CRB1: variants seen among roughly 807,000 people sequenced by gnomAD.
CRB1 encodes crumbs cell polarity complex component 1.
In CRB1, 83 loss-of-function variants were observed where a neutral mutation model predicts 120.0. The observed-to-expected ratio is 0.69, with a 90% CI of 0.58 to 0.83. The LOEUF is 0.83. Ranked by LOEUF, CRB1 falls within the 40% of genes least tolerant of loss-of-function variation. The probability of loss-of-function intolerance (pLI) is 0.00; values close to 1 mark genes in which losing one functional copy is unlikely to be tolerated. For missense variants in CRB1, 1,699 were observed against 1,687.6 expected (o/e 1.01, Z -0.12); for synonymous variants, 625 against 612.5 (o/e 1.02, Z -0.30).
intron 2 of CRB1, among the ~76,000 whole-genome samples, chr1:197,337,806 T>C (rs1436833640): frequency 1.3e-5 from 2 of 152,074 alleles, no homozygotes; most frequent in East Asian, 1.9e-4. Context: ...CTTATAAATT[T>C]AAAGTGTAAT....
intron 5 of CRB1, among the ~76,000 whole-genome samples, chr1:197,415,793 C>G (rs1230947165): frequency 1.3e-5 from 2 of 151,620 alleles, no homozygotes; most frequent in African/African-American, 2.4e-5. Flanking sequence ...CAGGCGCCCA[C>G]CACCACACCT....
the CRB1 span, among the ~76,000 whole-genome samples, chr1:197,235,414 T>C: frequency 6.6e-6 from 1 of 152,170 alleles, no homozygotes; most frequent in African/African-American, 2.4e-5. Context: ...CCACAGAAGC[T>C]TGAAATATGT....
chr1:197,354,472 A>T (rs1294864166), intron 4 of CRB1, among the ~76,000 whole-genome samples: 1 of 152,064 alleles, frequency 6.6e-6, no homozygotes, highest in African/African-American at 2.4e-5. Context: ...GGACGTGTTC[A>T]GAGTTTCTTC....
intron 5 of CRB1, among the ~76,000 whole-genome samples, chr1:197,391,883 T>G (rs759645873): frequency 6.6e-6 from 1 of 152,026 alleles, no homozygotes. Context: ...AAGTCTAGGA[T>G]AGAGTCAGTA....
the CRB1 span, among the ~76,000 whole-genome samples, chr1:197,233,561 G>C: frequency 6.6e-6 from 1 of 152,174 alleles, no homozygotes; most frequent in Non-Finnish European, 1.5e-5. Flanking sequence ...TCCCATCTGT[G>C]AGGGGTCTGA....
At chr1:197,443,267 C>T (rs1206054629) in intron 11 of CRB1, 2 of 151,786 alleles carry the variant, frequency 1.3e-5, no homozygotes, top group South Asian at 2.1e-4. Context: ...GAATTTACAT[C>T]GAGTCCCTAA....
chr1:197,383,302 T>G (rs550379638), intron 5 of CRB1, among the ~76,000 whole-genome samples: 22 of 152,228 alleles, frequency 1.4e-4, no homozygotes, highest in African/African-American at 5.1e-4. Flanking sequence ...TAACAATTCT[T>G]TACTCGAGAT....
At chr1:197,215,371 G>T in the CRB1 span, among the ~76,000 whole-genome samples, 1 of 149,850 alleles carries the variant, frequency 6.7e-6, no homozygotes, top group African/African-American at 2.5e-5. Flanking sequence ...TCCACCTCCT[G>T]TGTTCAAGCA....
intron 5 of CRB1, among the ~76,000 whole-genome samples, chr1:197,392,288 A>G (rs1209755847): frequency 6.6e-6 from 1 of 151,886 alleles, no homozygotes; most frequent in African/African-American, 2.4e-5. Flanking sequence ...TATATATATA[A>G]TTTCCTTCTT....
the CRB1 span, among the ~76,000 whole-genome samples, chr1:197,242,964 G>A: frequency 6.6e-6 from 1 of 151,974 alleles, no homozygotes; most frequent in African/African-American, 2.4e-5. Context: ...TTTGTGTAGA[G>A]GTGTTTATAG....
At chr1:197,277,357 T>G (rs1180862767) in intron 1 of CRB1, among the ~76,000 whole-genome samples, 1 of 152,012 alleles carries the variant, frequency 6.6e-6, no homozygotes, top group Admixed American at 6.6e-5. Context: ...CTTTAAATAC[T>G]TATTTTACTT....
At chr1:197,312,467 G>A (rs761301149) in intron 1 of CRB1, among the ~76,000 whole-genome samples, 110 of 152,164 alleles carry the variant, frequency 7.2e-4, no homozygotes, top group Non-Finnish European at 1.3e-3. Flanking sequence ...CTTGTAATCC[G>A]AGCCATCAGG....
At chr1:197,286,159 T>C (rs896961622) in intron 1 of CRB1, among the ~76,000 whole-genome samples, 10 of 151,932 alleles carry the variant, frequency 6.6e-5, no homozygotes, top group African/African-American at 2.4e-4. Context: ...AAGAGATTTT[T>C]CTTTTCCTTC....
chr1:197,359,491 G>C (rs908097791), intron 5 of CRB1, among the ~76,000 whole-genome samples: 4 of 152,056 alleles, frequency 2.6e-5, no homozygotes, highest in African/African-American at 9.7e-5. Flanking sequence ...CCATTGAAGG[G>C]CATCTAGATT....
chr1:197,430,656 T>C (rs1664827331), intron 8 of CRB1, among the ~76,000 whole-genome samples: 1 of 152,142 alleles, frequency 6.6e-6, no homozygotes, highest in East Asian at 1.9e-4. Context: ...TACACAAACA[T>C]CCTCCAACTT....
chr1:197,336,790 G>A (rs886423559), intron 2 of CRB1, among the ~76,000 whole-genome samples: 6 of 152,152 alleles, frequency 3.9e-5, no homozygotes, highest in Non-Finnish European at 8.8e-5. Context: ...ATTACCATCT[G>A]TCTATAAACA....
chr1:197,455,816 G>C (rs1417268756), intron 11 of CRB1, among the ~76,000 whole-genome samples: 1 of 151,948 alleles, frequency 6.6e-6, no homozygotes, highest in African/African-American at 2.4e-5. Flanking sequence ...AGGTTATAAA[G>C]ATCATGGCTG....
At chr1:197,223,689 C>A in the CRB1 span, among the ~76,000 whole-genome samples, 2 of 152,092 alleles carry the variant, frequency 1.3e-5, no homozygotes, top group African/African-American at 4.8e-5. Context: ...TAAATGTCTT[C>A]ATTTGATATA....
intron 11 of CRB1, among the ~76,000 whole-genome samples, chr1:197,454,793 T>TA (rs1272961372): frequency 6.6e-6 from 1 of 152,194 alleles, no homozygotes; most frequent in African/African-American, 2.4e-5. Flanking sequence ...ATACTGGACT[T>TA]ACGGAAACCG....
Sources: gnomAD v4.1 joint callset for allele counts (sites outside exome capture counted in the v4.1 genomes callset) on GRCh38, gnomAD v4.1.1 for gene constraint, MANE v1.5 for transcripts, NCBI Gene and HGNC (gene_info 2026-07-23, HGNC 2026-07-21) for gene names.